Variants in XRN2 observed in about 807,000 individuals in gnomAD.
The protein encoded by XRN2 is DHM1-like protein.
In XRN2, 44 loss-of-function variants were observed where a neutral mutation model predicts 138.5. The ratio of observed to expected loss-of-function variants is 0.32; its 90% confidence interval spans 0.25 to 0.41. The LOEUF (loss-of-function observed/expected upper bound fraction) is 0.41. XRN2 is among the 10% of genes least tolerant of loss of function. The pLI is 1.00. For missense variants in XRN2, 937 were observed against 1,169.3 expected (o/e 0.80, Z 2.90); for synonymous variants, 354 against 369.4 (o/e 0.96, Z 0.48).
chr20:21,310,919 G>GC (rs2122161975), intron 1 of XRN2, among the ~76,000 whole-genome samples: 1 of 149,692 alleles, frequency 6.7e-6, no homozygotes, highest in Non-Finnish European at 1.5e-5. Context: ...AAATTTTTTT[G>GC]TTTTTTTTTA....
chr20:21,356,715 A>C (rs1362236358), intron 23 of XRN2, 50 bp downstream of exon 23: 2 of 1,495,090 alleles, frequency 1.3e-6, no homozygotes, highest in Non-Finnish European at 1.8e-6. Flanking sequence ...AAGTTTAGTT[A>C]GGATTTTTTT....
intron 1 of XRN2, among the ~76,000 whole-genome samples, chr20:21,324,367 TC>T (rs2038092160): frequency 6.6e-6 from 1 of 152,228 alleles, no homozygotes; most frequent in African/African-American, 2.4e-5. Flanking sequence ...ACAGTCAATA[TC>T]CTGAAGTTGG....
intron 1 of XRN2, among the ~76,000 whole-genome samples, chr20:21,310,909 A>G (rs2037871669): frequency 6.6e-6 from 1 of 151,410 alleles, no homozygotes; most frequent in African/African-American, 2.4e-5. Context: ...CACGCCCGGC[A>G]AATTTTTTTG....
At chr20:21,326,050 A>G (rs1359530453) in intron 1 of XRN2, among the ~76,000 whole-genome samples, 1 of 152,252 alleles carries the variant, frequency 6.6e-6, no homozygotes, top group Non-Finnish European at 1.5e-5. Context: ...TGAATTTTCT[A>G]AACATCTACA....
chr20:21,363,457 C>T (rs962139888), intron 24 of XRN2, among the ~76,000 whole-genome samples: 40 of 152,324 alleles, frequency 2.6e-4, no homozygotes, highest in African/African-American at 9.4e-4. Context: ...CTACCATTTT[C>T]TCTGTCATCC....
At chr20:21,356,016 TA>T (rs1568588254) in intron 21 of XRN2, 63 bp from the exon 22 acceptor site, 2 of 1,203,568 alleles carry the variant, frequency 1.7e-6, no homozygotes, top group East Asian at 2.4e-5. Flanking sequence ...TTTATGCTCA[TA>T]AAAATTGGTC....
chr20:21,366,135 A>G (rs1427468182), intron 26 of XRN2, among the ~76,000 whole-genome samples: 3 of 83,878 alleles, frequency 3.6e-5, no homozygotes, highest in African/African-American at 5.2e-5. Context: ...GTTTATATAT[A>G]TAACATATAT....
chr20:21,385,846 G>A (rs1231838740), intron 28 of XRN2, among the ~76,000 whole-genome samples: 1 of 152,188 alleles, frequency 6.6e-6, no homozygotes, highest in East Asian at 1.9e-4. Flanking sequence ...TTACCAGCTA[G>A]TCAGCACTTC....
At chr20:21,375,496 A>G (rs913187743) in intron 27 of XRN2, among the ~76,000 whole-genome samples, 4 of 151,572 alleles carry the variant, frequency 2.6e-5, no homozygotes, top group Non-Finnish European at 5.9e-5. Context: ...GGTCTCACAT[A>G]TTTATTATCA....
Position 21,303,341 on chromosome 20 carries a change from C to T in XRN2, c.-58C>T, listed in dbSNP as rs2037764085. On this transcript the variant is annotated 5_prime_UTR_variant, in exon 1 of 30. Coordinates refer to ENST00000377191, the MANE Select transcript of XRN2 (RefSeq NM_012255.5). ...GTGCTGGTGCCCTCTGCCGCTGCTCCCGTCTCTTTGGTTACGCTCGTCAGC... is the reference window on the plus strand; with the variant it reads ...GTGCTGGTGCCCTCTGCCGCTGCTCTCGTCTCTTTGGTTACGCTCGTCAGC... The T allele has an allele frequency of 3.9e-6, 6 of 1,534,276 alleles. No homozygotes were observed. Among genetic ancestry groups the T allele is most frequent in the Admixed American group, 2.0e-5 (1 of 49,562 alleles).
intron 27 of XRN2, among the ~76,000 whole-genome samples, chr20:21,372,332 T>A (rs527859186): frequency 6.6e-6 from 1 of 152,304 alleles, no homozygotes; most frequent in Admixed American, 6.5e-5. Flanking sequence ...TCCTCTAGGC[T>A]GAGAGAAAAT....
intron 28 of XRN2, among the ~76,000 whole-genome samples, chr20:21,383,398 G>C (rs773152252): frequency 3.3e-5 from 5 of 152,180 alleles, no homozygotes; most frequent in African/African-American, 7.2e-5. Context: ...TGTTAACACT[G>C]TGTTAACATC....
Position 21,334,125 on chromosome 20 carries a change from G to C in XRN2, c.1173G>C (p.Met391Ile), listed in dbSNP as rs149199982. 726 of 1,613,942 alleles carry C rather than the reference G, an allele frequency of 4.5e-4. No homozygotes were observed. Among genetic ancestry groups the C allele is most frequent in the Non-Finnish European group, 5.5e-4 (650 of 1,179,946 alleles). The change falls in exon 13 of 30, where the codon ATG (methionine) becomes ATC (isoleucine). Residue 391 changes from methionine to isoleucine, a missense_variant. By Grantham distance (10) the Met-to-Ile change is conservative. Transcript: ENST00000377191. ...ATGTCAATCTGCAAAGAGTACAGATGATCATGTTAGCAGTTGGTGAAGTTG... is the reference window on the plus strand; with the variant it reads ...ATGTCAATCTGCAAAGAGTACAGATCATCATGTTAGCAGTTGGTGAAGTTG... ...SGYVNLQRVQMIMLAVGEVED... is the reference protein window; with the variant it reads ...SGYVNLQRVQIIMLAVGEVED...
In XRN2 at chr20:21,356,184, TAC is replaced by T. The variant is rs2038574167; in HGVS notation, c.2118+8_2118+9del. ...CCAGACAGGTTCCACAGAGGTATGT[TAC>T]GCAATTTGGTTAATTAGAAATGCAC... On this transcript the variant is annotated splice_region_variant and intron_variant, in intron 22 of 29. Coordinates refer to ENST00000377191, the MANE Select transcript of XRN2 (RefSeq NM_012255.5). 3 of 1,592,608 alleles carry T rather than the reference TAC, an allele frequency of 1.9e-6. No homozygotes were observed. Among genetic ancestry groups the T allele is most frequent in the Non-Finnish European group, 2.6e-6 (3 of 1,171,010 alleles).
chr20:21,341,342 T>G (rs1372343007), intron 15 of XRN2, among the ~76,000 whole-genome samples: 1 of 152,222 alleles, frequency 6.6e-6, no homozygotes, highest in African/African-American at 2.4e-5. Context: ...ATAGTATTCC[T>G]TAGGTGTAAA....
Position 21,368,486 on chromosome 20 carries a change from G to C in XRN2, c.2480G>C (p.Gly827Ala). ...TLGHVMPRGS[G>A]TGIYSNAAPP... is the part of the protein sequence containing the mutation. ...AGCCATGTGATGCCAAGAGGCTCAGGAACTGGCATTTACAGCAATGCTGCA... is the reference window on the plus strand; with the variant it reads ...AGCCATGTGATGCCAAGAGGCTCAGCAACTGGCATTTACAGCAATGCTGCA... Residue 827 changes from glycine (G) to alanine (A), a missense_variant, in exon 27 of 30, where the codon GGA becomes GCA. This residue lies in a region of XRN2 where 372 missense variants were observed against 414.4 expected (regional missense o/e 0.90). Transcript: ENST00000377191. 6.2e-7 allele frequency: 1 copy of C among 1,614,000 alleles called. No homozygotes were observed. Among genetic ancestry groups the C allele is most frequent in the Non-Finnish European group, 8.5e-7 (1 of 1,179,936 alleles).
intron 16 of XRN2, among the ~76,000 whole-genome samples, chr20:21,344,549 T>A (rs2038412035): frequency 6.6e-6 from 1 of 152,172 alleles, no homozygotes; most frequent in Non-Finnish European, 1.5e-5. Flanking sequence ...CTGATTAAAT[T>A]TTCAAGCTGC....
chr20:21,375,988 G>T (rs891180308), intron 27 of XRN2, among the ~76,000 whole-genome samples: 1 of 151,794 alleles, frequency 6.6e-6, no homozygotes, highest in Non-Finnish European at 1.5e-5. Context: ...ACAGGCGCCC[G>T]CCACTACACT....
At chr20:21,341,527 A>G (rs908008289) in intron 15 of XRN2, among the ~76,000 whole-genome samples, 2 of 152,196 alleles carry the variant, frequency 1.3e-5, no homozygotes, top group Non-Finnish European at 2.9e-5. Flanking sequence ...CTATCCTGCA[A>G]GGCTGTACTT....
Sources: gnomAD v4.1 joint callset for allele counts (sites outside exome capture counted in the v4.1 genomes callset) on GRCh38, gnomAD v4.1.1 for gene constraint, gnomAD v4.1.1 regional missense constraint, MANE v1.5 for transcripts, NCBI Gene and HGNC (gene_info 2026-07-23, HGNC 2026-07-21) for gene names.